ST8SIA4: variants seen among roughly 807,000 people sequenced by gnomAD.
ST8SIA4 encodes ST8 alpha-N-acetyl-neuraminide alpha-2,8-sialyltransferase 4.
A neutral mutation model predicts 33.9 loss-of-function variants in ST8SIA4; 15 were observed. The observed-to-expected ratio is 0.44, with a 90% confidence interval of 0.30 to 0.68. The LOEUF (loss-of-function observed/expected upper bound fraction) is 0.68. Ranked by LOEUF, ST8SIA4 falls within the 30% of genes least tolerant of loss-of-function variation. The probability of loss-of-function intolerance (pLI) is 0.10; values close to 1 mark genes in which losing one functional copy is unlikely to be tolerated. For missense variants in ST8SIA4, 321 were observed against 428.0 expected, an observed-to-expected ratio of 0.75 and a Z score of 2.21; for synonymous variants, 171 against 151.2, an observed-to-expected ratio of 1.13 and a Z score of -0.96.
chr5:100,857,422 AG>A (rs1388905297), intron 3 of ST8SIA4, among the ~76,000 whole-genome samples: 1 of 152,002 alleles, frequency 6.6e-6, no homozygotes, highest in East Asian at 1.9e-4. Context: ...GCTTTTAAAA[AG>A]GTAGGTTTTA....
At position 100,899,426 on chromosome 5, in the gene ST8SIA4, T is replaced by A. The variant is rs537601026; in HGVS notation, c.113+3417A>T. On this transcript the variant is annotated intron_variant, in intron 1 of 4. Coordinates refer to ENST00000231461, the MANE Select transcript of ST8SIA4 (RefSeq NM_005668.6). ...GGTTGTGTTTCATCCTAGAACAAAC[T>A]GGGACTAACTTTGCTGTCAATGGTA... Among the ~76,000 whole-genome samples, 3 of 152,348 alleles carry A rather than the reference T, an allele frequency of 2.0e-5. No homozygotes were observed. In the East Asian group the frequency reaches 5.8e-4, roughly 29 times the overall value.
At chr5:100,844,772 C>T (rs1457402893) in intron 4 of ST8SIA4, among the ~76,000 whole-genome samples, 1 of 151,860 alleles carries the variant, frequency 6.6e-6, no homozygotes, top group Non-Finnish European at 1.5e-5. Context: ...ATTGTTAAAG[C>T]CACTTTAAAA....
chr5:100,847,337 TA>T (rs1363977544), intron 4 of ST8SIA4, among the ~76,000 whole-genome samples: 1 of 152,080 alleles, frequency 6.6e-6, no homozygotes, highest in East Asian at 1.9e-4. Context: ...GAGTGACTAA[TA>T]AACTTGATTT....
intron 2 of ST8SIA4, among the ~76,000 whole-genome samples, chr5:100,894,199 C>T (rs1321329439): frequency 6.6e-6 from 1 of 152,020 alleles, no homozygotes; most frequent in Non-Finnish European, 1.5e-5. Context: ...ACCAGCTAAA[C>T]CTTAGGAAGA....
chr5:100,858,410 A>G (rs1186177487), intron 3 of ST8SIA4, among the ~76,000 whole-genome samples: 1 of 152,082 alleles, frequency 6.6e-6, no homozygotes, highest in East Asian at 1.9e-4. Context: ...TATTTTCACT[A>G]TAATAGTAAA....
chr5:100,852,441 A>G (rs199952111), intron 4 of ST8SIA4, among the ~76,000 whole-genome samples: 1 of 16,684 alleles, frequency 6.0e-5, no homozygotes, highest in Non-Finnish European at 2.0e-3. Context: ...TCCATTCTTT[A>G]TTAAAAAAAA....
At chr5:100,826,702 C>T (rs1224215954) in intron 4 of ST8SIA4, among the ~76,000 whole-genome samples, 2 of 151,956 alleles carry the variant, frequency 1.3e-5, no homozygotes, top group Non-Finnish European at 2.9e-5. Context: ...TCAAGAGTTT[C>T]TGAGAAAAAC....
intron 4 of ST8SIA4, among the ~76,000 whole-genome samples, chr5:100,835,180 A>C (rs1270004674): frequency 6.6e-6 from 1 of 152,124 alleles, no homozygotes; most frequent in Non-Finnish European, 1.5e-5. Flanking sequence ...GTAAGTTCAG[A>C]TCTATTAGTA....
intron 4 of ST8SIA4, among the ~76,000 whole-genome samples, chr5:100,847,548 T>A (rs1032452345): frequency 3.3e-5 from 5 of 152,106 alleles, no homozygotes; most frequent in Admixed American, 6.6e-5. Context: ...GTGCAGCAAC[T>A]AACATTTGAG....
At position 100,842,546 on chromosome 5, in the gene ST8SIA4, C is replaced by T. The variant is rs556973297; in HGVS notation, c.797+13557G>A. On this transcript the variant is annotated intron_variant, in intron 4 of 4. Transcript: ENST00000231461. ...AACACTATCCCCAGTTTTTATTATT[C>T]TCAGATAGGGGCTATTAACATTTAT... Among the ~76,000 whole-genome samples the T allele has an allele frequency of 2.0e-4, 31 of 151,898 alleles. 1 individual carries two copies. The South Asian group carries it at 6.2e-3, about 31-fold the overall frequency.
At chr5:100,868,171 CCTT>C (rs1695062855) in intron 3 of ST8SIA4, among the ~76,000 whole-genome samples, 2 of 151,856 alleles carry the variant, frequency 1.3e-5, no homozygotes, top group African/African-American at 2.4e-5. Flanking sequence ...GTAATAATGT[CCTT>C]ATTATTTTTC....
chr5:100,886,291 A>T, intron 3 of ST8SIA4, 52 bp downstream of exon 3: 1 of 1,578,976 alleles, frequency 6.3e-7, no homozygotes, highest in Non-Finnish European at 8.6e-7. Flanking sequence ...TCCACCCCCA[A>T]GTAAAATATC....
intron 4 of ST8SIA4, among the ~76,000 whole-genome samples, chr5:100,835,933 G>A (rs1016173348): frequency 6.6e-6 from 1 of 152,076 alleles, no homozygotes; most frequent in Non-Finnish European, 1.5e-5. Flanking sequence ...GGCATAATAA[G>A]ATGTGATCTC....
chr5:100,830,411 A>C (rs977515252), intron 4 of ST8SIA4, among the ~76,000 whole-genome samples: 8 of 152,362 alleles, frequency 5.3e-5, no homozygotes, highest in African/African-American at 1.9e-4. Flanking sequence ...GCTTTAAGTA[A>C]TGCCTAGCAC....
intron 4 of ST8SIA4, among the ~76,000 whole-genome samples, chr5:100,842,792 G>GA (rs1392915608): frequency 6.6e-6 from 1 of 151,264 alleles, no homozygotes; most frequent in Non-Finnish European, 1.5e-5. Flanking sequence ...CCAGTGAAAA[G>GA]AAAAAAAAGT....
intron 3 of ST8SIA4, among the ~76,000 whole-genome samples, chr5:100,865,979 T>C (rs998873334): frequency 6.6e-6 from 1 of 152,202 alleles, no homozygotes; most frequent in African/African-American, 2.4e-5. Flanking sequence ...ATTTAAAATG[T>C]AGTGTTCTGG....
At chr5:100,875,187 T>C (rs1228962963) in intron 3 of ST8SIA4, among the ~76,000 whole-genome samples, 1 of 152,170 alleles carries the variant, frequency 6.6e-6, no homozygotes, top group Non-Finnish European at 1.5e-5. Flanking sequence ...ACCAGGGTTT[T>C]AGTCAGTTGA....
At chr5:100,885,634 C>T (rs1580482084) in intron 3 of ST8SIA4, 1 of 937,732 alleles carries the variant, frequency 1.1e-6, no homozygotes, top group Non-Finnish European at 1.3e-6. Context: ...AAAAACTGTA[C>T]AGATATAAAA....
chr5:100,818,545 G>C (rs1177201857), intron 4 of ST8SIA4, among the ~76,000 whole-genome samples: 1 of 152,152 alleles, frequency 6.6e-6, no homozygotes, highest in Non-Finnish European at 1.5e-5. Flanking sequence ...TTTCCATGCA[G>C]AATTGCATGA....
Sources: gnomAD v4.1 joint callset for allele counts (sites outside exome capture counted in the v4.1 genomes callset) on GRCh38, gnomAD v4.1.1 for gene constraint, MANE v1.5 for transcripts, NCBI Gene and HGNC (gene_info 2026-07-23, HGNC 2026-07-21) for gene names.